The following PRR16 variants were observed in gnomAD, a reference collection of about 807,000 sequenced individuals.
PRR16 encodes the protein protein Largen.
In PRR16, 6 loss-of-function variants were observed where a neutral mutation model predicts 18.2. That is an observed-to-expected ratio of 0.33 (90% CI 0.18 to 0.65). The LOEUF (loss-of-function observed/expected upper bound fraction) is 0.65. PRR16 is among the 30% of genes least tolerant of loss of function. PRR16 has a pLI of 0.74. For synonymous variants in PRR16, 151 were observed against 147.8 expected (o/e 1.02, Z -0.16); for missense variants, 412 against 376.6 (o/e 1.09, Z -0.78).
the PRR16 span, among the ~76,000 whole-genome samples, chr5:120,707,614 TACAG>T: frequency 6.6e-6 from 1 of 152,196 alleles, no homozygotes; most frequent in Non-Finnish European, 1.5e-5. Flanking sequence ...AACGGCTTCT[TACAG>T]ACAGCACATG....
chr5:120,619,496 T>C (rs923839704), intron 1 of PRR16, among the ~76,000 whole-genome samples: 10 of 152,102 alleles, frequency 6.6e-5, no homozygotes, highest in African/African-American at 2.4e-4. Flanking sequence ...TTGATTTCAA[T>C]CACAGAGCTA....
chr5:120,615,879 G>A (rs540049554), intron 1 of PRR16, among the ~76,000 whole-genome samples: 2 of 152,222 alleles, frequency 1.3e-5, no homozygotes, highest in East Asian at 3.9e-4. Context: ...AGTTCCCAGT[G>A]AGAGTTTATT....
chr5:120,483,849 G>A (rs2691096), intron 1 of PRR16, among the ~76,000 whole-genome samples: 142,248 of 152,140 alleles, frequency 0.93, 66,893 homozygotes, highest in East Asian at 1. Context: ...CCTACAGTTG[G>A]TGTAAGTGAT....
the PRR16 span, among the ~76,000 whole-genome samples, chr5:120,771,930 TAAG>T: frequency 0.012 from 1,763 of 152,018 alleles, 36 homozygotes; most frequent in African/African-American, 0.04. Context: ...TTAGATCAAA[TAAG>T]AAAAAATGTT....
chr5:120,645,969 G>T, intron 1 of PRR16, among the ~76,000 whole-genome samples: 1 of 149,744 alleles, frequency 6.7e-6, no homozygotes, highest in African/African-American at 2.4e-5. Flanking sequence ...ATAATTGATT[G>T]GAGCTGATCA....
intron 1 of PRR16, among the ~76,000 whole-genome samples, chr5:120,553,337 G>C (rs959319467): frequency 6.6e-6 from 1 of 151,802 alleles, no homozygotes; most frequent in African/African-American, 2.4e-5. Context: ...CCAGGAAGAA[G>C]GATTGTTTTG....
chr5:120,660,906 T>C lies in PRR16; in HGVS notation c.160-25048T>C, dbSNP rs555419787. On this transcript the variant is annotated intron_variant, in intron 1 of 1. Coordinates refer to ENST00000407149, the MANE Select transcript of PRR16 (RefSeq NM_001300783.2). ...TGATCCTATGGTGTCAAGTATATCG[T>C]CAAGTCATTTTGCTTTTTTATTTGT... Among the ~76,000 whole-genome samples, 7 of 152,252 alleles carry C rather than the reference T, an allele frequency of 4.6e-5. No individual in the cohort carries two copies. In the South Asian group the frequency reaches 1.4e-3, roughly 32 times the overall value.
chr5:120,561,002 G>A (rs1167951798), intron 1 of PRR16, among the ~76,000 whole-genome samples: 2 of 151,730 alleles, frequency 1.3e-5, no homozygotes, highest in African/African-American at 4.8e-5. Flanking sequence ...TTCTGTTTGT[G>A]TCTTCTCTCT....
At chr5:120,670,468 T>TAC (rs1580860940) in intron 1 of PRR16, among the ~76,000 whole-genome samples, 1 of 152,146 alleles carries the variant, frequency 6.6e-6, no homozygotes, top group East Asian at 1.9e-4. Context: ...AACTTATTTT[T>TAC]ATAAAATATC....
chr5:120,754,565 A>G, the PRR16 span, among the ~76,000 whole-genome samples: 1 of 59,472 alleles, frequency 1.7e-5, no homozygotes, highest in Non-Finnish European at 2.8e-5. Flanking sequence ...TATATTATAT[A>G]ATATATTTAT....
the PRR16 span, among the ~76,000 whole-genome samples, chr5:120,720,920 C>T: frequency 1.2e-3 from 181 of 152,124 alleles, 3 homozygotes; most frequent in East Asian, 0.03. Flanking sequence ...AAAAAGGATT[C>T]TCTCGTATCT....
chr5:120,763,571 T>A, the PRR16 span, among the ~76,000 whole-genome samples: 1 of 152,178 alleles, frequency 6.6e-6, no homozygotes, highest in South Asian at 2.1e-4. Flanking sequence ...AATTTTAGAA[T>A]TGTTTTATTT....
chr5:120,733,631 C>T, the PRR16 span, among the ~76,000 whole-genome samples: 4 of 152,090 alleles, frequency 2.6e-5, no homozygotes, highest in Non-Finnish European at 5.9e-5. Context: ...ACCTATGCCC[C>T]GCTCTCTCAG....
chr5:120,656,691 A>C (rs975696204), intron 1 of PRR16, among the ~76,000 whole-genome samples: 1 of 151,886 alleles, frequency 6.6e-6, no homozygotes, highest in Admixed American at 6.6e-5. Context: ...TTTTGTGTCT[A>C]TTATAAACAA....
the PRR16 span, among the ~76,000 whole-genome samples, chr5:120,739,800 C>T: frequency 1.3e-5 from 2 of 152,054 alleles, no homozygotes; most frequent in Non-Finnish European, 2.9e-5. Context: ...TTGGATGTTT[C>T]ATATTTTTAG....
chr5:120,508,790 C>T (rs765826244), intron 1 of PRR16, among the ~76,000 whole-genome samples: 14 of 152,066 alleles, frequency 9.2e-5, no homozygotes, highest in Non-Finnish European at 1.5e-4. Flanking sequence ...AGGACAATAG[C>T]TATCATACAA....
intron 1 of PRR16, among the ~76,000 whole-genome samples, chr5:120,491,024 A>T (rs1402920362): frequency 6.6e-6 from 1 of 152,170 alleles, no homozygotes; most frequent in African/African-American, 2.4e-5. Context: ...GTTTTGTCTC[A>T]GAGGAGTACC....
chr5:120,592,998 C>T (rs1443457919), intron 1 of PRR16, among the ~76,000 whole-genome samples: 3 of 151,992 alleles, frequency 2.0e-5, no homozygotes, highest in Non-Finnish European at 2.9e-5. Context: ...ACCAGAATCT[C>T]GGTCACAGCT....
chr5:120,621,608 G>A (rs1009509896), intron 1 of PRR16, among the ~76,000 whole-genome samples: 1 of 152,090 alleles, frequency 6.6e-6, no homozygotes, highest in African/African-American at 2.4e-5. Flanking sequence ...GAGACCAGGT[G>A]GGGGTAAATG....
Sources: gnomAD v4.1 joint callset for allele counts (sites outside exome capture counted in the v4.1 genomes callset) on GRCh38, gnomAD v4.1.1 for gene constraint, MANE v1.5 for transcripts, NCBI Gene and HGNC (gene_info 2026-07-23, HGNC 2026-07-21) for gene names.